Variants in OSMR observed in about 807,000 individuals in gnomAD.
OSMR encodes oncostatin-M-specific receptor subunit beta.
OSMR carries 81 observed loss-of-function variants against 99.9 expected under a neutral mutation model. That is an observed-to-expected ratio of 0.81 (90% CI 0.68 to 0.97). OSMR has a LOEUF of 0.97. OSMR is among the 50% of genes least tolerant of loss of function. The probability of loss-of-function intolerance (pLI) is 0.00; values close to 1 mark genes in which losing one functional copy is unlikely to be tolerated. For synonymous variants in OSMR, 406 were observed against 410.4 expected, an observed-to-expected ratio of 0.99 and a Z score of 0.13; for missense variants, 1,099 against 1,153.4, an observed-to-expected ratio of 0.95 and a Z score of 0.68.
chr5:38,865,161 G>A (rs1280414984), intron 1 of OSMR, among the ~76,000 whole-genome samples: 2 of 152,044 alleles, frequency 1.3e-5, no homozygotes, highest in Non-Finnish European at 2.9e-5. Context: ...TCTTTGAATT[G>A]TTTATGTTCT....
intron 2 of OSMR, among the ~76,000 whole-genome samples, chr5:38,872,371 C>T (rs776062678): frequency 2.6e-5 from 4 of 152,174 alleles, no homozygotes; most frequent in Non-Finnish European, 4.4e-5. Context: ...AGCAACCAAT[C>T]GCTGAATACC....
chr5:38,875,708 T>C (rs1742765189), intron 2 of OSMR, among the ~76,000 whole-genome samples: 1 of 152,188 alleles, frequency 6.6e-6, no homozygotes, highest in Non-Finnish European at 1.5e-5. Context: ...TTCAGTGAAT[T>C]CTTGCTAGTC....
chr5:38,864,266 A>T (rs75140737), intron 1 of OSMR, among the ~76,000 whole-genome samples: 1 of 151,454 alleles, frequency 6.6e-6, no homozygotes. Context: ...CTTATTGTTC[A>T]TCATTGCAGT....
intron 12 of OSMR, 133 bp from the exon 13 acceptor site, chr5:38,923,017 C>A: frequency 1.0e-6 from 1 of 981,934 alleles, no homozygotes; most frequent in African/African-American, 1.6e-5. Flanking sequence ...CTCAAGTGAT[C>A]CGCCTGCCTC....
At chr5:38,899,584 G>C (rs1744761922) in intron 7 of OSMR, among the ~76,000 whole-genome samples, 1 of 152,142 alleles carries the variant, frequency 6.6e-6, no homozygotes, top group Admixed American at 6.5e-5. Context: ...TATTGCTCCT[G>C]GTTATTCAGG....
chr5:38,862,689 G>A (rs532823379), intron 1 of OSMR, among the ~76,000 whole-genome samples: 96 of 151,074 alleles, frequency 6.4e-4, no homozygotes, highest in African/African-American at 2.3e-3. Context: ...ATGGGCTGCC[G>A]GGCAGAGACG....
At chr5:38,863,912 A>G (rs1741718803) in intron 1 of OSMR, among the ~76,000 whole-genome samples, 1 of 145,752 alleles carries the variant, frequency 6.9e-6, no homozygotes, top group South Asian at 2.1e-4. Context: ...ATTACATATA[A>G]CAACTTTCTT....
At chr5:38,872,525 G>A (rs1356737836) in intron 2 of OSMR, among the ~76,000 whole-genome samples, 1 of 152,198 alleles carries the variant, frequency 6.6e-6, no homozygotes, top group East Asian at 1.9e-4. Flanking sequence ...CAAGGGCTTA[G>A]GAAATCTAAG....
At position 38,875,055 on chromosome 5, in the gene OSMR, T is replaced by G. The variant is rs780320056; in HGVS notation, c.74-1146T>G. Among the ~76,000 whole-genome samples, 6 of 152,262 alleles carry G rather than the reference T, an allele frequency of 3.9e-5. 1 individual carries two copies. Among genetic ancestry groups the G allele is most frequent in the Non-Finnish European group, 7.3e-5 (5 of 68,050 alleles). The stretch of plus-strand genomic sequence containing the variant: ...CAAAATGAGATAATCTCTTACCATT[T>G]AAACGTAACGTTTGAGGGGTTCAAA... On this transcript the variant is annotated intron_variant, in intron 2 of 17. Coordinates refer to ENST00000274276, the MANE Select transcript of OSMR (RefSeq NM_003999.3).
rs1352541950 is a variant in OSMR, at chr5:38,876,286, T to A, written c.159T>A (p.Thr53=). The change falls in exon 3 of 18, where the codon ACT becomes ACA. Residue 53 remains threonine (T), a synonymous_variant. Transcript: ENST00000274276. ...GTCAGAGTTTGCACTTACAATGGACTGTCCACAACCTTCCTTATCATCAGG... is the reference window on the plus strand; with the variant it reads ...GTCAGAGTTTGCACTTACAATGGACAGTCCACAACCTTCCTTATCATCAGG... ...STRQSLHLQW[T]VHNLPYHQEL... is the part of the protein sequence containing the mutation. The A allele has an allele frequency of 2.5e-6, 4 of 1,613,552 alleles. No homozygotes were observed. Among genetic ancestry groups the A allele is most frequent in the Non-Finnish European group, 3.4e-6 (4 of 1,179,522 alleles).
chr5:38,893,953 C>T (rs567971822), intron 7 of OSMR, among the ~76,000 whole-genome samples: 27 of 152,166 alleles, frequency 1.8e-4, no homozygotes, highest in African/African-American at 6.0e-4. Context: ...TACAAAGGGA[C>T]CCCCATCAGG....
chr5:38,944,587 A>C (rs1747962620), intron 2 of OSMR: 1 of 1,566,540 alleles, frequency 6.4e-7, no homozygotes, highest in Non-Finnish European at 8.6e-7. Context: ...GATTTCAGGG[A>C]GAAGTTAAAT....
At chr5:38,921,363 G>T (rs1013399020) in intron 11 of OSMR, 1 of 336,224 alleles carries the variant, frequency 3.0e-6, no homozygotes, top group Non-Finnish European at 4.2e-6. Context: ...TGTCCTAGGT[G>T]CTGAAGTCTG....
At chr5:38,865,689 A>G (rs926697917) in intron 1 of OSMR, among the ~76,000 whole-genome samples, 4 of 152,200 alleles carry the variant, frequency 2.6e-5, no homozygotes, top group African/African-American at 9.6e-5. Flanking sequence ...CCTGATGTAC[A>G]TAAGCACCAG....
chr5:38,892,798 CAG>C (rs1744243659), intron 7 of OSMR, among the ~76,000 whole-genome samples: 1 of 151,990 alleles, frequency 6.6e-6, no homozygotes, highest in African/African-American at 2.4e-5. Flanking sequence ...AGTCCTAGAA[CAG>C]GGGAGTGATA....
chr5:38,885,944 A>G (rs1743708706), intron 6 of OSMR, 95 bp from the exon 7 acceptor site: 2 of 1,534,238 alleles, frequency 1.3e-6, no homozygotes, highest in African/African-American at 2.8e-5. Flanking sequence ...ATAGTTTGAC[A>G]GTCACTGAGT....
chr5:38,908,773 A>G (rs1215527972), intron 9 of OSMR, among the ~76,000 whole-genome samples: 3 of 152,174 alleles, frequency 2.0e-5, no homozygotes, highest in Admixed American at 2.0e-4. Context: ...ACAAAAACCC[A>G]TCCAAAGGAC....
chr5:38,938,590 C>T, downstream of OSMR: 1 of 232,654 alleles, frequency 4.3e-6, no homozygotes, highest in Non-Finnish European at 8.5e-6. Context: ...AAAAATACTC[C>T]AAACAGGAAA....
intron 1 of OSMR, among the ~76,000 whole-genome samples, chr5:38,859,941 C>T (rs922652370): frequency 6.6e-6 from 1 of 152,122 alleles, no homozygotes; most frequent in Non-Finnish European, 1.5e-5. Context: ...TATTCTAAAA[C>T]TTTACTGAAT....
Sources: allele counts gnomAD v4.1 joint callset (sites outside exome capture counted in the v4.1 genomes callset), GRCh38; gene constraint gnomAD v4.1.1; transcripts MANE v1.5; gene names NCBI Gene and HGNC (gene_info 2026-07-23, HGNC 2026-07-21).